REV1: variants seen among roughly 807,000 people sequenced by gnomAD.
REV1 encodes the protein translesion synthesis protein REV1.
Under a neutral mutation model 137.4 loss-of-function variants are expected in REV1, and 42 were observed. That is an observed-to-expected ratio of 0.31 (90% CI 0.24 to 0.40). REV1 has a LOEUF of 0.40. REV1 is among the 10% of genes least tolerant of loss of function. The pLI is 1.00. For synonymous variants in REV1, 524 were observed against 519.2 expected, an observed-to-expected ratio of 1.01 and a Z score of -0.12; for missense variants, 1,282 against 1,490.1, an observed-to-expected ratio of 0.86 and a Z score of 2.30.
In REV1 at chr2:99,412,830, A is replaced by T. The variant is rs1471411414; in HGVS notation, c.2073T>A (p.Leu691=). 6.2e-7 allele frequency: 1 copy of T among 1,614,058 alleles called. No individual in the cohort carries two copies. Among genetic ancestry groups the T allele is most frequent in the South Asian group, 1.1e-5 (1 of 91,072 alleles). The change falls in exon 13 of 23, where the codon CTT becomes CTA. Residue 691 remains leucine, a synonymous_variant. Coordinates refer to ENST00000258428, the MANE Select transcript of REV1 (RefSeq NM_016316.4). The part of the protein sequence containing the change: ...KEFGPKTGQM[L]YRFCRGLDDR... ...CATCCAAGCCACGGCAGAACCTATA[A>T]AGCATCTGACCTGTTTTGGGACCAA... is the stretch of plus-strand genomic sequence containing the variant.
At chr2:99,458,690 T>C (rs937444154) in intron 3 of REV1, among the ~76,000 whole-genome samples, 11 of 152,292 alleles carry the variant, frequency 7.2e-5, no homozygotes, top group Middle Eastern at 3.4e-3. Flanking sequence ...CACTATGAAA[T>C]ATAACTGAAC....
At chr2:99,484,855 C>G (rs1434241880) in intron 1 of REV1, among the ~76,000 whole-genome samples, 1 of 152,134 alleles carries the variant, frequency 6.6e-6, no homozygotes, top group African/African-American at 2.4e-5. Flanking sequence ...GGGAACTGGC[C>G]TGAAATCTTG....
rs928061260 is a variant in REV1, at chr2:99,487,705, T to C, written c.-11+2112A>G. Among the ~76,000 whole-genome samples, 8 of 118,886 alleles carry C rather than the reference T, an allele frequency of 6.7e-5. 2 individuals carry two copies. Among genetic ancestry groups the C allele is most frequent in the African/African-American group, 2.4e-4 (8 of 33,220 alleles). 78.0% of individuals were successfully genotyped at this position (118,886 alleles called of 152,430 possible). On this transcript the variant is annotated intron_variant, in intron 1 of 22. Coordinates refer to ENST00000258428, the MANE Select transcript of REV1 (RefSeq NM_016316.4). ...TCTATGATTAGTAATACGCCACATA[T>C]ACACACCCATACATTCTTGAAAAGC...
chr2:99,435,590 T>C, intron 7 of REV1: 1 of 289,958 alleles, frequency 3.4e-6, no homozygotes, highest in Non-Finnish European at 6.3e-6. Context: ...AGATCCTGCC[T>C]ACATTAGTCT....
chr2:99,488,638 C>T (rs1265554879), intron 1 of REV1, among the ~76,000 whole-genome samples: 2 of 152,220 alleles, frequency 1.3e-5, no homozygotes, highest in East Asian at 3.8e-4. Context: ...GGGAACAATA[C>T]GCAGCACTGG....
Position 99,421,602 on chromosome 2 carries a change from A to T in REV1, c.1728T>A (p.Ile576=). 1 of 1,614,160 alleles carries T rather than the reference A, an allele frequency of 6.2e-7. No homozygotes were observed. Among genetic ancestry groups the T allele is most frequent in the Non-Finnish European group, 8.5e-7 (1 of 1,179,988 alleles). Residue 576 remains isoleucine (I), a synonymous_variant, in exon 11 of 23, where the codon ATT becomes ATA. Transcript: ENST00000258428. ...GTTTGGTCTCTGCAAGGATTTCGGT[A>T]ATGTCTACCAGCGCTTCATCACAAC... ...AVSCDEALVD[I]TEILAETKLT...
chr2:99,435,882 C>A lies in REV1; in HGVS notation c.1273G>T (p.Asp425Tyr). The A allele has an allele frequency of 6.2e-7, 1 of 1,609,112 alleles. No homozygotes were observed. Among genetic ancestry groups the A allele is most frequent in the Non-Finnish European group, 8.5e-7 (1 of 1,176,228 alleles). The change falls in exon 7 of 23, where the codon GAT becomes TAT. Residue 425 changes from aspartate to tyrosine, a missense_variant. Asp to Tyr is a radical substitution (Grantham distance 160). Coordinates refer to ENST00000258428, the MANE Select transcript of REV1 (RefSeq NM_016316.4). ...ATACCCACTGATACAAAGAAGCAATCCATATCAACATGCATTATACAGCTC... is the reference window on the plus strand; with the variant it reads ...ATACCCACTGATACAAAGAAGCAATACATATCAACATGCATTATACAGCTC... ...HQSCIMHVDM[D>Y]CFFVSVGIRN...
chr2:99,469,207 T>C (rs1229417389), intron 1 of REV1, among the ~76,000 whole-genome samples: 1 of 152,234 alleles, frequency 6.6e-6, no homozygotes, highest in African/African-American at 2.4e-5. Context: ...TTAGCAGCCA[T>C]GCTTTTTTTC....
intron 5 of REV1, 144 bp from the exon 6 acceptor site, chr2:99,439,454 G>T: frequency 1.1e-5 from 4 of 376,202 alleles, no homozygotes; most frequent in Non-Finnish European, 1.4e-5. Context: ...TATTGACAAT[G>T]AAAAAAAAAA....
At chr2:99,456,760 G>C (rs920191636) in intron 3 of REV1, among the ~76,000 whole-genome samples, 2 of 152,156 alleles carry the variant, frequency 1.3e-5, no homozygotes, top group African/African-American at 4.8e-5. Context: ...GCTTAGACAG[G>C]GAAGGAGGCA....
chr2:99,408,199 G>A, intron 14 of REV1, 68 bp from the exon 15 acceptor site: 1 of 832,426 alleles, frequency 1.2e-6, no homozygotes, highest in South Asian at 2.0e-5. Flanking sequence ...AAAGTAGTAT[G>A]GAACTGTTTA....
intron 7 of REV1, 91 bp from the exon 8 acceptor site, chr2:99,434,539 G>C (rs1000030994): frequency 1.5e-6 from 1 of 686,344 alleles, no homozygotes; most frequent in African/African-American, 1.8e-5. Flanking sequence ...TTAAAAACAT[G>C]CCTTTTTTTT....
intron 1 of REV1, among the ~76,000 whole-genome samples, chr2:99,479,283 G>C (rs1013675816): frequency 3.4e-5 from 5 of 146,902 alleles, no homozygotes; most frequent in Admixed American, 6.9e-5. Flanking sequence ...GCCGAGATTA[G>C]GCTACTGCAC....
In REV1 at chr2:99,442,452, A is replaced by C. The variant is rs1482545260; in HGVS notation, c.368T>G (p.Leu123Arg). ...WIVESIKAGR[L>R]LSYIPYQLYT... ...CAGCTGATATGGAATGTAGGAGAGG[A>C]GTCGTCCAGCTTTGATGCTGAAACA... is the stretch of plus-strand genomic sequence containing the variant. The change falls in exon 5 of 23, where the codon CTC (leucine) becomes CGC (arginine). Residue 123 changes from leucine (L) to arginine (R), a missense_variant. Coordinates refer to ENST00000258428, the MANE Select transcript of REV1 (RefSeq NM_016316.4). The C allele has an allele frequency of 1.9e-6, 3 of 1,613,566 alleles. No homozygotes were observed. Among genetic ancestry groups the C allele is most frequent in the South Asian group, 1.1e-5 (1 of 90,984 alleles).
intron 9 of REV1, among the ~76,000 whole-genome samples, chr2:99,425,992 C>T (rs982399504): frequency 4.2e-5 from 6 of 143,868 alleles, no homozygotes; most frequent in South Asian, 2.3e-4. Context: ...GCCGAGATCG[C>T]GCCATTACAC....
chr2:99,483,273 A>T (rs1686812274), intron 1 of REV1, among the ~76,000 whole-genome samples: 1 of 152,186 alleles, frequency 6.6e-6, no homozygotes, highest in African/African-American at 2.4e-5. Flanking sequence ...AAAAGATAAA[A>T]ATGCATTAAG....
intron 2 of REV1, among the ~76,000 whole-genome samples, chr2:99,464,365 A>C (rs923676000): frequency 1.6e-4 from 24 of 152,234 alleles, no homozygotes; most frequent in Non-Finnish European, 2.6e-4. Flanking sequence ...GTTTCTTTTC[A>C]GAAAATACAG....
intron 8 of REV1, chr2:99,431,678 C>T (rs945961114): frequency 2.8e-5 from 27 of 956,642 alleles, no homozygotes; most frequent in Non-Finnish European, 3.2e-5. Context: ...GTGGTCCATG[C>T]GCCCCCAGTG....
intron 18 of REV1, 134 bp from the exon 19 acceptor site, chr2:99,403,949 T>TTAA: frequency 9.5e-7 from 1 of 1,048,874 alleles, no homozygotes; most frequent in Non-Finnish European, 1.4e-6. Context: ...AGTTCCCCAA[T>TTAA]ATCAAAGCTG....
Sources: allele counts gnomAD v4.1 joint callset (sites outside exome capture counted in the v4.1 genomes callset), GRCh38; gene constraint gnomAD v4.1.1; transcripts MANE v1.5; gene names NCBI Gene and HGNC (gene_info 2026-07-23, HGNC 2026-07-21).